LYST: variants seen among roughly 807,000 people sequenced by gnomAD.
LYST encodes the protein lysosomal trafficking regulator, also known as lysosomal-trafficking regulator.
In LYST, 192 loss-of-function variants were observed where a neutral mutation model predicts 413.6. The ratio of observed to expected loss-of-function variants is 0.46; its 90% confidence interval spans 0.41 to 0.52. The LOEUF (loss-of-function observed/expected upper bound fraction) is 0.52. Ranked by LOEUF, LYST falls within the 20% of genes least tolerant of loss-of-function variation. The pLI is 0.00. For synonymous variants in LYST, 1,525 were observed against 1,567.3 expected (o/e 0.97, Z 0.64); for missense variants, 3,815 against 4,499.9 (o/e 0.85, Z 4.35).
At chr1:235,731,400 G>C (rs1664365230) in intron 34 of LYST, among the ~76,000 whole-genome samples, 1 of 152,104 alleles carries the variant, frequency 6.6e-6, no homozygotes, top group African/African-American at 2.4e-5. Context: ...CTCGCCTGAA[G>C]GCAAGCTCTG....
At chr1:235,663,113 T>C in intron 52 of LYST, 35 bp from the exon 53 acceptor site, 1 of 1,438,624 alleles carries the variant, frequency 7.0e-7, no homozygotes, top group South Asian at 1.1e-5. Context: ...TTGTACATTA[T>C]ATTTCTTAAA....
At chr1:235,819,399 A>G (rs1364716522) in intron 3 of LYST, among the ~76,000 whole-genome samples, 2 of 152,138 alleles carry the variant, frequency 1.3e-5, no homozygotes, top group Non-Finnish European at 2.9e-5. Context: ...CACCCTGGCA[A>G]ATTAGAACTT....
chr1:235,757,493 A>T lies in LYST; in HGVS notation c.6882-35T>A, dbSNP rs764528497. The T allele has an allele frequency of 5.9e-6, 9 of 1,513,648 alleles. No individual in the cohort carries two copies. The Admixed American group carries it at 8.4e-5, about 14-fold the overall frequency. 93.8% of individuals were successfully genotyped at this position (1,513,648 alleles called of 1,614,324 possible). On this transcript the variant is annotated intron_variant, in intron 23 of 52. Transcript: ENST00000389793. ...AGACCAAAAAAGTCTTACTAACATG[A>T]CAAGAAAAGTACTTGATGATTACCT...
chr1:235,798,578 TAAAAAAAAAAA>T lies in LYST; in HGVS notation c.4006+1731_4006+1741del, dbSNP rs71174462. 2.7e-4 allele frequency among the ~76,000 whole-genome samples: 22 copies of T among 81,712 alleles called. 2 individuals are homozygous for T. The East Asian group carries it at 6.0e-3, about 22-fold the overall frequency. 53.6% of individuals were successfully genotyped at this position (81,712 alleles called of 152,430 possible). On this transcript the variant is annotated intron_variant, in intron 10 of 52. Transcript: ENST00000389793. The stretch of plus-strand genomic sequence containing the variant: ...TGGCGACAAGGGCAAAACCCTGTCA[TAAAAAAAAAAA>T]AAAAAAAAAAAAAAAAAAAAAAAAA...
At chr1:235,709,442 T>G (rs1315263387) in intron 43 of LYST, 134 bp from the exon 44 acceptor site, 2 of 699,410 alleles carry the variant, frequency 2.9e-6, no homozygotes, top group Non-Finnish European at 4.9e-6. Flanking sequence ...AAGGAGGATT[T>G]ACATTTTGAA....
chr1:235,788,832 T>C lies in LYST; in HGVS notation c.4557A>G (p.Pro1519=), dbSNP rs1031240326. Residue 1519 remains proline, a synonymous_variant, in exon 13 of 53, where the codon CCA becomes CCG. Transcript: ENST00000389793. ...SSFDGTESDR[P]EGAEYINPGE... is the part of the protein sequence containing the mutation. ...CAGGATTTATGTACTCTGCACCTTC[T>C]GGTCTGTCGCTCTCTATAAGAAAAA... 6.2e-7 allele frequency: 1 copy of C among 1,613,776 alleles called. No individual in the cohort carries two copies. Among genetic ancestry groups the C allele is most frequent in the Middle Eastern group, 1.7e-4 (1 of 6,056 alleles).
intron 42 of LYST, among the ~76,000 whole-genome samples, chr1:235,713,940 A>C (rs1386963990): frequency 6.6e-6 from 1 of 152,152 alleles, no homozygotes; most frequent in Non-Finnish European, 1.5e-5. Context: ...AATATTGATA[A>C]ATTTTAGTTG....
At chr1:235,748,210 C>T (rs746719614) in intron 28 of LYST, among the ~76,000 whole-genome samples, 7 of 152,012 alleles carry the variant, frequency 4.6e-5, no homozygotes, top group Non-Finnish European at 7.4e-5. Flanking sequence ...TGTGTATGTG[C>T]GAGTGCATGG....
At chr1:235,878,582 A>C (rs1280184295) in intron 1 of LYST, among the ~76,000 whole-genome samples, 1 of 152,116 alleles carries the variant, frequency 6.6e-6, no homozygotes, top group African/African-American at 2.4e-5. Context: ...TCACCAAATC[A>C]CAGTAATAGC....
chr1:235,794,222 A>C (rs998402056), intron 10 of LYST, among the ~76,000 whole-genome samples: 1 of 152,214 alleles, frequency 6.6e-6, no homozygotes, highest in African/African-American at 2.4e-5. Context: ...AATATTTGTT[A>C]AGCTAATGCT....
chr1:235,850,976 A>G (rs1230991799), intron 1 of LYST, among the ~76,000 whole-genome samples: 1 of 152,210 alleles, frequency 6.6e-6, no homozygotes. Context: ...GAGATTCCTT[A>G]AAGAACTAAA....
At position 235,766,296 on chromosome 1, in the gene LYST, C is replaced by A. The variant is rs141197189; in HGVS notation, c.5923-19G>T. On this transcript the variant is annotated intron_variant, in intron 20 of 52. Coordinates refer to ENST00000389793, the MANE Select transcript of LYST (RefSeq NM_000081.4). Reference sequence around the variant, plus strand: ...TGTATTCCTGAAAAAATAAAAAAAACTCTCTTTAGATTTAAAGAATTGTCA... The same window carrying A: ...TGTATTCCTGAAAAAATAAAAAAAAATCTCTTTAGATTTAAAGAATTGTCA... 0.043 allele frequency: 66,989 copies of A among 1,561,406 alleles called. 1,768 individuals carry two copies. Among genetic ancestry groups the A allele is most frequent in the Non-Finnish European group, 0.051 (58,148 of 1,144,458 alleles).
chr1:235,677,036 G>T, intron 50 of LYST, 55 bp downstream of exon 50: 2 of 1,294,840 alleles, frequency 1.5e-6, no homozygotes, highest in Non-Finnish European at 2.2e-6. Context: ...ACCACTGGCC[G>T]AATGCGCTGT....
chr1:235,772,662 T>C (rs2103430251), intron 19 of LYST, among the ~76,000 whole-genome samples: 1 of 152,342 alleles, frequency 6.6e-6, no homozygotes, highest in South Asian at 2.1e-4. Context: ...GTACTTACGA[T>C]GAAGCCTTGC....
At position 235,664,973 on chromosome 1, in the gene LYST, T is replaced by G. The variant is rs1658309942; in HGVS notation, c.11039-352A>C. Among the ~76,000 whole-genome samples the G allele has an allele frequency of 6.6e-6, 1 of 152,110 alleles. No individual in the cohort carries two copies. The highest frequency in any genetic ancestry group is 1.5e-5 in the Non-Finnish European group (1 of 68,018). ...CACATCCGGCTAATTTTTATATTTT[T>G]AGTAGAAATGGGTTTTTGCCATGTT... On this transcript the variant is annotated intron_variant, in intron 50 of 52. Transcript: ENST00000389793. The surrounding 1 kb of genome is among the most constrained non-coding windows in gnomAD (Gnocchi z 4.5).
At chr1:235,731,556 A>T (rs1367086894) in intron 34 of LYST, among the ~76,000 whole-genome samples, 179 of 121,406 alleles carry the variant, frequency 1.5e-3, no homozygotes, top group African/African-American at 5.1e-3. Flanking sequence ...CCCATTTTGC[A>T]TTTTTTTTTT....
chr1:235,755,552 A>C lies in LYST; in HGVS notation c.7155T>G (p.Leu2385=). 1 of 1,613,312 alleles carries C rather than the reference A, an allele frequency of 6.2e-7. No homozygotes were observed. Among genetic ancestry groups the C allele is most frequent in the Non-Finnish European group, 8.5e-7 (1 of 1,179,236 alleles). The stretch of plus-strand genomic sequence containing the variant: ...CTAACAATTCTTGAGTTCCTCGATG[A>C]AGATACAACTGGTTGGCTAGCAAGG... ...GFSLLANQLY[L]HRGTQELLEC... Residue 2385 remains leucine (L), a synonymous_variant, in exon 25 of 53, where the codon CTT becomes CTG. Transcript: ENST00000389793.
chr1:235,664,948 C>T lies in LYST; in HGVS notation c.11039-327G>A, dbSNP rs892863815. Among the ~76,000 whole-genome samples the T allele has an allele frequency of 1.3e-5, 2 of 152,122 alleles. No homozygotes were observed. The highest frequency in any genetic ancestry group is 2.9e-5 in the Non-Finnish European group (2 of 68,024). ...TGCTGGGACAACAGGTGCACGCCACCACATCCGGCTAATTTTTATATTTTT... is the reference window on the plus strand; with the variant it reads ...TGCTGGGACAACAGGTGCACGCCACTACATCCGGCTAATTTTTATATTTTT... On this transcript the variant is annotated intron_variant, in intron 50 of 52. Coordinates refer to ENST00000389793, the MANE Select transcript of LYST (RefSeq NM_000081.4). This position sits in a 1 kb window ranked among gnomAD's most constrained non-coding sequence, Gnocchi z 4.5.
At position 235,787,286 on chromosome 1, in the gene LYST, C is replaced by T; in HGVS notation, c.4776G>A (p.Trp1592Ter). 2 of 1,613,384 alleles carry T rather than the reference C, an allele frequency of 1.2e-6. No individual in the cohort carries two copies. Among genetic ancestry groups the T allele is most frequent in the Non-Finnish European group, 8.5e-7 (1 of 1,179,508 alleles). ...GTAAGTAGGTGAGTACTAAATGTTG[C>T]CATTTGCTTGGGAGGAAAATATTCT... ...SQENIFLPSKWQHLVLTYLQQ... is the reference protein window; with the variant it reads ...SQENIFLPSK The change falls in exon 14 of 53, where the codon TGG (tryptophan) becomes TGA (stop). Residue 1592 changes from tryptophan to a stop codon, truncating the protein, a stop_gained. Coordinates refer to ENST00000389793, the MANE Select transcript of LYST (RefSeq NM_000081.4). LOFTEE classifies it high-confidence loss of function.
Sources: gnomAD v4.1 joint callset for allele counts (sites outside exome capture counted in the v4.1 genomes callset) on GRCh38, gnomAD v4.1.1 for gene constraint, Gnocchi (gnomAD v3.1) non-coding constraint, MANE v1.5 for transcripts, NCBI Gene and HGNC (gene_info 2026-07-23, HGNC 2026-07-21) for gene names.